ARMC8: variants seen among roughly 807,000 people sequenced by gnomAD.
ARMC8 encodes armadillo repeat containing 8.
In ARMC8, 20 loss-of-function variants were observed where a neutral mutation model predicts 99.3. The observed-to-expected ratio is 0.20, with a 90% CI of 0.14 to 0.29. The LOEUF (loss-of-function observed/expected upper bound fraction) is 0.29, where lower values mean the gene tolerates loss of function less well. Among genes scored for constraint, ARMC8 ranks in the 10% least tolerant of loss-of-function variants. The pLI is 1.00. For synonymous variants in ARMC8, 263 were observed against 278.3 expected (o/e 0.95, Z 0.55); for missense variants, 569 against 809.5 (o/e 0.70, Z 3.60).
chr3:138,291,543 C>G (rs1451586595), intron 21 of ARMC8, among the ~76,000 whole-genome samples: 1 of 152,170 alleles, frequency 6.6e-6, no homozygotes, highest in Non-Finnish European at 1.5e-5. Context: ...CCTCGTGTAA[C>G]TTACATTCTA....
At chr3:138,273,331 A>G (rs763406238) in intron 17 of ARMC8, among the ~76,000 whole-genome samples, 1 of 152,120 alleles carries the variant, frequency 6.6e-6, no homozygotes, top group East Asian at 1.9e-4. Flanking sequence ...CCACTCCTAC[A>G]CTGCTTATCC....
At chr3:138,187,710 C>T in intron 1 of ARMC8, 111 bp downstream of exon 1, 1 of 1,210,038 alleles carries the variant, frequency 8.3e-7, no homozygotes, top group Non-Finnish European at 1.2e-6. Flanking sequence ...GGGGTGGACC[C>T]CGGCTCAGTC....
intron 10 of ARMC8, among the ~76,000 whole-genome samples, chr3:138,240,203 A>G (rs2108169078): frequency 6.6e-6 from 1 of 152,332 alleles, no homozygotes; most frequent in South Asian, 2.1e-4. Context: ...TATTAAATAC[A>G]TTAAAATGTC....
chr3:138,281,310 T>C (rs1042639442), intron 18 of ARMC8, among the ~76,000 whole-genome samples: 5 of 151,938 alleles, frequency 3.3e-5, no homozygotes, highest in African/African-American at 1.2e-4. Flanking sequence ...TTTTTTTTTT[T>C]TGATAGAGAG....
At chr3:138,188,255 C>T (rs1576547886) in intron 1 of ARMC8, 2 of 637,054 alleles carry the variant, frequency 3.1e-6, no homozygotes, top group Admixed American at 3.2e-5. Flanking sequence ...TCTATGTTCC[C>T]TGTGCCTGGT....
At chr3:138,271,180 T>G (rs2048754092) in intron 16 of ARMC8, among the ~76,000 whole-genome samples, 1 of 152,212 alleles carries the variant, frequency 6.6e-6, no homozygotes, top group African/African-American at 2.4e-5. Context: ...ATCTGTAGTT[T>G]CACAGATATT....
chr3:138,239,584 T>C (rs2046504514), intron 10 of ARMC8, 56 bp downstream of exon 10: 1 of 1,139,664 alleles, frequency 8.8e-7, no homozygotes, highest in Non-Finnish European at 1.3e-6. Flanking sequence ...GTGTTAAATA[T>C]CAGTATTGAT....
intron 2 of ARMC8, among the ~76,000 whole-genome samples, chr3:138,214,616 A>C (rs2044900811): frequency 6.6e-6 from 1 of 152,222 alleles, no homozygotes; most frequent in Non-Finnish European, 1.5e-5. Context: ...GTATTCCAAA[A>C]AAATCATTTA....
intron 1 of ARMC8, among the ~76,000 whole-genome samples, chr3:138,190,281 CTTTTTT>C (rs141579108): frequency 9.6e-5 from 11 of 114,370 alleles, no homozygotes; most frequent in African/African-American, 3.9e-4. Flanking sequence ...ATTTTCTTAT[CTTTTTT>C]TTTTTTTTTT....
chr3:138,233,493 CTA>C (rs776443634), intron 6 of ARMC8, among the ~76,000 whole-genome samples: 3 of 152,016 alleles, frequency 2.0e-5, no homozygotes, highest in East Asian at 3.9e-4. Context: ...TATGAGCAAA[CTA>C]TGGAGTACTG....
At chr3:138,278,656 GA>G (rs1407300570) in intron 18 of ARMC8, among the ~76,000 whole-genome samples, 2 of 152,106 alleles carry the variant, frequency 1.3e-5, no homozygotes, top group Non-Finnish European at 2.9e-5. Flanking sequence ...GGGAGGACGT[GA>G]CATCTTAACA....
intron 12 of ARMC8, among the ~76,000 whole-genome samples, chr3:138,247,165 TTTTG>T (rs2046920371): frequency 1.3e-5 from 2 of 152,198 alleles, no homozygotes; most frequent in South Asian, 4.1e-4. Context: ...TCTTTTCCTT[TTTTG>T]TTGTTGAAAT....
At chr3:138,195,893 C>G (rs1310556694) in intron 1 of ARMC8, among the ~76,000 whole-genome samples, 1 of 151,784 alleles carries the variant, frequency 6.6e-6, no homozygotes, top group Non-Finnish European at 1.5e-5. Context: ...ACCACATTCC[C>G]TAATTTCAGA....
chr3:138,236,549 T>C (rs1212697474), intron 7 of ARMC8, among the ~76,000 whole-genome samples: 2 of 152,236 alleles, frequency 1.3e-5, no homozygotes, highest in Non-Finnish European at 2.9e-5. Context: ...GCCATTAATG[T>C]ATTCTAGGTT....
At chr3:138,292,953 C>G (rs1043470240) in intron 21 of ARMC8, among the ~76,000 whole-genome samples, 1 of 152,122 alleles carries the variant, frequency 6.6e-6, no homozygotes, top group Admixed American at 6.5e-5. Context: ...GAAAAAGATG[C>G]CTGGACGGTG....
intron 17 of ARMC8, 21 bp from the exon 18 acceptor site, chr3:138,274,428 G>T (rs1296939712): frequency 6.8e-7 from 1 of 1,476,936 alleles, no homozygotes; most frequent in Admixed American, 1.8e-5. Context: ...TGATAATTAT[G>T]GATTTCCCAT....
intron 19 of ARMC8, chr3:138,287,820 A>G: frequency 5.4e-6 from 2 of 369,982 alleles, no homozygotes; most frequent in South Asian, 2.1e-5. Context: ...TGCCATTGAT[A>G]CTCTCTCAGA....
rs193289110 is a variant in ARMC8 at position 138,215,664 on chromosome 3, C to T, written c.122+5771C>T. Reference sequence around the variant, plus strand: ...AAATATTTTGGTAGATTTTACTCTTCATTTTTAGAGAGTGTAAGGTGATTT... The same window carrying T: ...AAATATTTTGGTAGATTTTACTCTTTATTTTTAGAGAGTGTAAGGTGATTT... On this transcript the variant is annotated intron_variant, in intron 2 of 21. Transcript: ENST00000469044. Among the ~76,000 whole-genome samples, 21 of 152,074 alleles carry T rather than the reference C, an allele frequency of 1.4e-4. No homozygotes were observed. The East Asian group carries it at 4.1e-3, about 29-fold the overall frequency.
Position 138,241,734 on chromosome 3 carries a change from A to G in ARMC8, c.838-49A>G, listed in dbSNP as rs756525359. 17 of 1,535,490 alleles carry G rather than the reference A, an allele frequency of 1.1e-5. No individual in the cohort carries two copies. In the South Asian group the frequency reaches 1.9e-4, roughly 17 times the overall value. On this transcript the variant is annotated intron_variant, in intron 10 of 21. Transcript: ENST00000469044. ...AGTTGATTCAGTCACTATATGCTTA[A>G]GCTTTTACCTTTACCAAAAAGCAAA...
Sources: allele counts gnomAD v4.1 joint callset (sites outside exome capture counted in the v4.1 genomes callset), GRCh38; gene constraint gnomAD v4.1.1; transcripts MANE v1.5; gene names NCBI Gene and HGNC (gene_info 2026-07-23, HGNC 2026-07-21).